Variants in GPHN observed in about 807,000 individuals in gnomAD.
The protein encoded by GPHN is gephyrin.
Under a neutral mutation model 95.5 loss-of-function variants are expected in GPHN, and 17 were observed. That is an observed-to-expected ratio of 0.18 (90% CI 0.12 to 0.27). The LOEUF (loss-of-function observed/expected upper bound fraction) is 0.27, where lower values mean the gene tolerates loss of function less well. GPHN is among the 10% of genes least tolerant of loss of function. The probability of loss-of-function intolerance (pLI) is 1.00; values close to 1 mark genes in which losing one functional copy is unlikely to be tolerated. For synonymous variants in GPHN, 320 were observed against 322.5 expected (o/e 0.99, Z 0.08); for missense variants, 660 against 978.1 (o/e 0.67, Z 4.34).
chr14:66,612,393 ACTC>A (rs929691477), intron 1 of GPHN, among the ~76,000 whole-genome samples: 3 of 151,536 alleles, frequency 2.0e-5, no homozygotes, highest in Non-Finnish European at 2.9e-5. Context: ...CATACTTTCT[ACTC>A]CTCTTATTTA....
chr14:66,863,273 A>G (rs1467775123), intron 4 of GPHN, among the ~76,000 whole-genome samples: 2 of 152,078 alleles, frequency 1.3e-5, no homozygotes, highest in Non-Finnish European at 2.9e-5. Context: ...AAAGAAGTAA[A>G]AGATCTCTAT....
chr14:66,857,776 A>G (rs1195654585), intron 4 of GPHN, among the ~76,000 whole-genome samples: 1 of 152,148 alleles, frequency 6.6e-6, no homozygotes, highest in Non-Finnish European at 1.5e-5. Flanking sequence ...CACAGTCTTG[A>G]ATTACCAACA....
intron 1 of GPHN, among the ~76,000 whole-genome samples, chr14:66,513,148 A>G (rs2058103535): frequency 1.3e-5 from 2 of 151,922 alleles, no homozygotes; most frequent in South Asian, 4.1e-4. Flanking sequence ...TAATGAATAT[A>G]CTTAGTACTA....
the GPHN span, chr14:67,411,952 C>G: frequency 1.4e-6 from 2 of 1,416,724 alleles, no homozygotes; most frequent in East Asian, 2.8e-5. Context: ...CGTCTGGCCC[C>G]GCTCTAGGGA....
chr14:67,661,068 T>C, the GPHN span, among the ~76,000 whole-genome samples: 5 of 152,076 alleles, frequency 3.3e-5, no homozygotes, highest in African/African-American at 1.2e-4. Flanking sequence ...AAGTGGGAAA[T>C]TGAAACACTG....
intron 1 of GPHN, among the ~76,000 whole-genome samples, chr14:66,574,541 C>G (rs1446953550): frequency 2.6e-5 from 4 of 152,138 alleles, no homozygotes; most frequent in Non-Finnish European, 4.4e-5. Context: ...CCTTTACTTT[C>G]AACTAGATTT....
the GPHN span, among the ~76,000 whole-genome samples, chr14:67,263,675 C>T: frequency 1.3e-5 from 2 of 152,294 alleles, no homozygotes; most frequent in African/African-American, 4.8e-5. Context: ...CGAAAAACAA[C>T]TTAACCTCTC....
intron 4 of GPHN, among the ~76,000 whole-genome samples, chr14:66,842,894 A>G (rs2062155154): frequency 6.6e-6 from 1 of 152,142 alleles, no homozygotes; most frequent in African/African-American, 2.4e-5. Context: ...AATAGAGTTC[A>G]GATCCATCTG....
chr14:66,742,968 G>A (rs556554366), intron 2 of GPHN, among the ~76,000 whole-genome samples: 3 of 149,228 alleles, frequency 2.0e-5, no homozygotes, highest in Non-Finnish European at 4.4e-5. Flanking sequence ...GTTTCACCAT[G>A]TTAGCCAGGA....
At chr14:67,412,888 A>G in the GPHN span, among the ~76,000 whole-genome samples, 2 of 152,032 alleles carry the variant, frequency 1.3e-5, no homozygotes, top group Non-Finnish European at 2.9e-5. Flanking sequence ...CAGCTCCCCA[A>G]GTAGCTAGGA....
the GPHN span, among the ~76,000 whole-genome samples, chr14:67,260,539 A>G: frequency 6.6e-6 from 1 of 152,220 alleles, no homozygotes; most frequent in Non-Finnish European, 1.5e-5. Flanking sequence ...AAAGGCGTAG[A>G]TTAAGTACTC....
At chr14:66,835,503 A>G (rs1024203235) in intron 4 of GPHN, among the ~76,000 whole-genome samples, 49 of 151,818 alleles carry the variant, frequency 3.2e-4, no homozygotes, top group African/African-American at 1.1e-3. Flanking sequence ...TGAATGGGCA[A>G]AAACTGGAAG....
At chr14:66,605,757 C>A (rs1201721250) in intron 1 of GPHN, among the ~76,000 whole-genome samples, 1 of 152,054 alleles carries the variant, frequency 6.6e-6, no homozygotes, top group East Asian at 1.9e-4. Context: ...TGGTCTCGAT[C>A]TCCTGACCTC....
At chr14:66,785,229 G>A (rs1365477426) in intron 3 of GPHN, among the ~76,000 whole-genome samples, 1 of 152,146 alleles carries the variant, frequency 6.6e-6, no homozygotes, top group Non-Finnish European at 1.5e-5. Flanking sequence ...ATCCAGGCAT[G>A]GTGGCACATG....
intron 1 of GPHN, among the ~76,000 whole-genome samples, chr14:66,672,344 G>T (rs549215812): frequency 4.6e-5 from 7 of 152,252 alleles, no homozygotes; most frequent in African/African-American, 1.2e-4. Context: ...TCCTTTTGGT[G>T]AATGTTCCAT....
the GPHN span, among the ~76,000 whole-genome samples, chr14:67,428,647 G>A: frequency 6.6e-6 from 1 of 152,240 alleles, no homozygotes; most frequent in Non-Finnish European, 1.5e-5. Flanking sequence ...GCAGAGAGCG[G>A]GTGAAACTGC....
the GPHN span, chr14:67,541,894 G>A: frequency 5.6e-6 from 9 of 1,602,542 alleles, no homozygotes; most frequent in East Asian, 2.3e-5. Flanking sequence ...TGGAGGCGCC[G>A]GCCAGCGTAG....
intron 4 of GPHN, among the ~76,000 whole-genome samples, chr14:66,841,766 C>T (rs2062098437): frequency 6.6e-6 from 1 of 152,104 alleles, no homozygotes; most frequent in Admixed American, 6.5e-5. Context: ...TGAGGCCGGG[C>T]ATGGTGACTC....
intron 5 of GPHN, among the ~76,000 whole-genome samples, chr14:66,903,466 G>T (rs2065218349): frequency 6.6e-6 from 1 of 152,054 alleles, no homozygotes; most frequent in African/African-American, 2.4e-5. Context: ...AACTACTCCT[G>T]CTCTGTTTTG....
Sources: allele counts gnomAD v4.1 joint callset (sites outside exome capture counted in the v4.1 genomes callset), GRCh38; gene constraint gnomAD v4.1.1; transcripts MANE v1.5; gene names NCBI Gene and HGNC (gene_info 2026-07-23, HGNC 2026-07-21).